The following MAGI2 variants were observed in gnomAD, a reference collection of about 807,000 sequenced individuals.
MAGI2 encodes membrane-associated guanylate kinase, WW and PDZ domain-containing protein 2.
MAGI2 carries 35 observed loss-of-function variants against 133.3 expected under a neutral mutation model. That is an observed-to-expected ratio of 0.26 (90% CI 0.20 to 0.35). The LOEUF is 0.35. Among genes scored for constraint, MAGI2 ranks in the 10% least tolerant of loss-of-function variants. The pLI is 1.00. For synonymous variants in MAGI2, 729 were observed against 710.6 expected (o/e 1.03, Z -0.41); for missense variants, 1,636 against 1,863.4 (o/e 0.88, Z 2.25).
At chr7:78,491,287 G>GTTAAATC (rs1348094923) in intron 5 of MAGI2, among the ~76,000 whole-genome samples, 3 of 152,078 alleles carry the variant, frequency 2.0e-5, no homozygotes, top group African/African-American at 7.2e-5. Context: ...ATTCCGAGGT[G>GTTAAATC]TTAAATCACT....
chr7:78,692,148 C>CA (rs1451917073), intron 2 of MAGI2, among the ~76,000 whole-genome samples: 1 of 152,162 alleles, frequency 6.6e-6, no homozygotes, highest in African/African-American at 2.4e-5. Flanking sequence ...AAAGCCCTAT[C>CA]AGTAAGCAGG....
At chr7:78,696,607 A>G (rs891327132) in intron 2 of MAGI2, among the ~76,000 whole-genome samples, 1 of 152,024 alleles carries the variant, frequency 6.6e-6, no homozygotes, top group Non-Finnish European at 1.5e-5. Context: ...AGACTTTCTC[A>G]TTATTTTACA....
At chr7:79,399,867 T>C (rs1331187567) in intron 1 of MAGI2, among the ~76,000 whole-genome samples, 1 of 152,234 alleles carries the variant, frequency 6.6e-6, no homozygotes, top group Non-Finnish European at 1.5e-5. Context: ...ATCATACATC[T>C]GGCTGAAGAT....
chr7:78,066,495 G>T (rs1324114866), intron 21 of MAGI2, among the ~76,000 whole-genome samples: 2 of 151,280 alleles, frequency 1.3e-5, no homozygotes, highest in African/African-American at 4.9e-5. Flanking sequence ...TGACTTGCTG[G>T]ATATAATTGC....
At chr7:78,651,499 T>A (rs769955347) in intron 2 of MAGI2, among the ~76,000 whole-genome samples, 6 of 152,154 alleles carry the variant, frequency 3.9e-5, no homozygotes, top group Non-Finnish European at 8.8e-5. Flanking sequence ...GGTTTACCCA[T>A]TGTTTTTACA....
At chr7:79,285,679 A>T (rs1263531176) in intron 1 of MAGI2, among the ~76,000 whole-genome samples, 1 of 152,096 alleles carries the variant, frequency 6.6e-6, no homozygotes, top group Admixed American at 6.6e-5. Context: ...CTTAATGTGG[A>T]TATCATTACA....
At chr7:79,346,373 C>T (rs17152310) in intron 1 of MAGI2, among the ~76,000 whole-genome samples, 46,877 of 151,750 alleles carry the variant, frequency 0.31, 7,518 homozygotes, top group Admixed American at 0.38. Context: ...ATAAAATTTA[C>T]GATGAAAGTA....
In MAGI2 at chr7:79,142,235, A is replaced by G. The variant is rs150114739; in HGVS notation, c.302-135029T>C. On this transcript the variant is annotated intron_variant, in intron 1 of 21. Coordinates refer to ENST00000354212, the MANE Select transcript of MAGI2 (RefSeq NM_012301.4). ...TTCTAATTTCCCACTTATTTTATCT[A>G]TTCTGTTATTTGGATATCTTGATTG... Among the ~76,000 whole-genome samples the G allele has an allele frequency of 2.9e-3, 436 of 152,230 alleles. 3 individuals are homozygous for G. The highest frequency in any genetic ancestry group is 0.01 in the African/African-American group (425 of 41,558).
chr7:79,276,867 A>C (rs1352065045), intron 1 of MAGI2, among the ~76,000 whole-genome samples: 2 of 152,018 alleles, frequency 1.3e-5, no homozygotes, highest in Non-Finnish European at 2.9e-5. Flanking sequence ...TGGGAAGCTG[A>C]GGTAGGAGGA....
chr7:78,386,003 C>T (rs1795353738), intron 6 of MAGI2, among the ~76,000 whole-genome samples: 1 of 147,518 alleles, frequency 6.8e-6, no homozygotes, highest in Non-Finnish European at 1.5e-5. Flanking sequence ...ACTTCCCCCC[C>T]TAGCTCAAAC....
chr7:79,171,761 TATATA>T (rs1193915498), intron 1 of MAGI2, among the ~76,000 whole-genome samples: 3 of 42,376 alleles, frequency 7.1e-5, no homozygotes, highest in Non-Finnish European at 1.2e-4. Flanking sequence ...TATATATATA[TATATA>T]TATATTTTTT....
chr7:78,126,573 A>G (rs3948706), intron 19 of MAGI2, among the ~76,000 whole-genome samples: 130,418 of 152,212 alleles, frequency 0.86, 56,264 homozygotes, highest in African/African-American at 0.91. Flanking sequence ...CCTGTAAGGA[A>G]GACTCTCCCT....
At chr7:78,497,077 T>C (rs1046613923) in intron 5 of MAGI2, among the ~76,000 whole-genome samples, 3 of 151,272 alleles carry the variant, frequency 2.0e-5, no homozygotes, top group African/African-American at 7.4e-5. Context: ...AAAAGGTGGG[T>C]CCTTGATATG....
chr7:79,078,310 G>A (rs1815730206), intron 1 of MAGI2, among the ~76,000 whole-genome samples: 1 of 151,490 alleles, frequency 6.6e-6, no homozygotes, highest in East Asian at 1.9e-4. Context: ...TTTTTTTTAG[G>A]TGAATGGATA....
intron 2 of MAGI2, among the ~76,000 whole-genome samples, chr7:78,789,217 C>T (rs1827078580): frequency 6.6e-6 from 1 of 152,016 alleles, no homozygotes; most frequent in Non-Finnish European, 1.5e-5. Context: ...TTAAAAAAAC[C>T]AAGATAAAAT....
intron 10 of MAGI2, among the ~76,000 whole-genome samples, chr7:78,237,908 A>T (rs1790722857): frequency 6.6e-6 from 1 of 152,180 alleles, no homozygotes; most frequent in Non-Finnish European, 1.5e-5. Context: ...ATCATTTTTT[A>T]AAAAATTGAG....
chr7:78,931,955 T>A (rs536420774), intron 2 of MAGI2, among the ~76,000 whole-genome samples: 1 of 148,818 alleles, frequency 6.7e-6, no homozygotes, highest in Non-Finnish European at 1.5e-5. Flanking sequence ...AGTGGAAAAT[T>A]CCACACCTGA....
At chr7:78,666,168 G>A (rs1425908054) in intron 2 of MAGI2, among the ~76,000 whole-genome samples, 7 of 152,136 alleles carry the variant, frequency 4.6e-5, no homozygotes, top group Non-Finnish European at 1.0e-4. Flanking sequence ...TTCCCATTAT[G>A]TTCTGGTGGA....
intron 14 of MAGI2, among the ~76,000 whole-genome samples, chr7:78,172,636 GA>G (rs771133057): frequency 3.9e-5 from 6 of 152,206 alleles, no homozygotes; most frequent in Non-Finnish European, 5.9e-5. Flanking sequence ...ATTATTTGCT[GA>G]AAGCCGTGCT....
Sources: allele counts gnomAD v4.1 joint callset (sites outside exome capture counted in the v4.1 genomes callset), GRCh38; gene constraint gnomAD v4.1.1; transcripts MANE v1.5; gene names NCBI Gene and HGNC (gene_info 2026-07-23, HGNC 2026-07-21).